Variants in NRXN1 observed in about 807,000 individuals in gnomAD.
NRXN1 encodes neurexin 1.
Under a neutral mutation model 150.9 loss-of-function variants are expected in NRXN1, and 39 were observed. The observed-to-expected ratio is 0.26, with a 90% CI of 0.20 to 0.34. NRXN1 has a LOEUF of 0.34. NRXN1 is among the 10% of genes least tolerant of loss of function. The pLI is 1.00. For synonymous variants in NRXN1, 924 were observed against 757.0 expected (o/e 1.22, Z -3.62); for missense variants, 1,815 against 1,949.9 (o/e 0.93, Z 1.30).
At chr2:50,817,322 G>T (rs937978882) in intron 5 of NRXN1, among the ~76,000 whole-genome samples, 1 of 151,802 alleles carries the variant, frequency 6.6e-6, no homozygotes, top group Non-Finnish European at 1.5e-5. Context: ...TATAAAATCT[G>T]AACAGTTCAT....
intron 5 of NRXN1, among the ~76,000 whole-genome samples, chr2:50,730,674 T>TTTTC (rs1554022985): frequency 7.0e-6 from 1 of 142,904 alleles, no homozygotes; most frequent in Non-Finnish European, 1.5e-5. Context: ...CTTGTTTTCT[T>TTTTC]TTTTTTTTTT....
intron 17 of NRXN1, among the ~76,000 whole-genome samples, chr2:50,359,436 C>G (rs1262649509): frequency 6.6e-6 from 1 of 151,480 alleles, no homozygotes; most frequent in African/African-American, 2.4e-5. Context: ...AGCTGAAACA[C>G]AGAGCACGAG....
chr2:50,779,494 C>T (rs779224124), intron 5 of NRXN1, among the ~76,000 whole-genome samples: 4 of 152,070 alleles, frequency 2.6e-5, no homozygotes, highest in Non-Finnish European at 2.9e-5. Flanking sequence ...TGTGGCAGGG[C>T]GTGGTGGCTC....
At chr2:50,243,398 G>A (rs1054776974) in intron 17 of NRXN1, among the ~76,000 whole-genome samples, 1 of 151,474 alleles carries the variant, frequency 6.6e-6, no homozygotes, top group Non-Finnish European at 1.5e-5. Context: ...CTAGGCTAAA[G>A]CATTTTTTAA....
intron 2 of NRXN1, among the ~76,000 whole-genome samples, chr2:50,960,262 C>T (rs1558493930): frequency 6.6e-6 from 1 of 151,878 alleles, no homozygotes; most frequent in African/African-American, 2.4e-5. Context: ...GACAGAAGCT[C>T]TTCAAAGGAC....
At position 50,506,570 on chromosome 2, in the gene NRXN1, C is replaced by T. The variant is rs202145311; in HGVS notation, c.2422G>A (p.Glu808Lys). 89 of 1,613,208 alleles carry T rather than the reference C, an allele frequency of 5.5e-5. No individual in the cohort carries two copies. The highest frequency in any genetic ancestry group is 6.8e-5 in the Non-Finnish European group (80 of 1,179,534). ...LFAGYNLNDNEWHTVRVVRRG... is the reference protein window; with the variant it reads ...LFAGYNLNDNKWHTVRVVRRG... ...CGAACTACACGCACTGTGTGCCACT[C>T]GTTATCATTGAGGTTATAGCCAGCA... The change falls in exon 13 of 23, where the codon GAG (glutamate) becomes AAG (lysine). Residue 808 changes from glutamate (E) to lysine (K), a missense_variant. Glu to Lys is a moderately conservative substitution (Grantham distance 56). This residue lies in a region of NRXN1 where 638 missense variants were observed against 652.6 expected (regional missense o/e 0.98). Transcript: ENST00000401669.
intron 18 of NRXN1, among the ~76,000 whole-genome samples, chr2:50,108,021 A>C (rs577056507): frequency 6.6e-6 from 1 of 152,094 alleles, no homozygotes; most frequent in East Asian, 1.9e-4. Flanking sequence ...TCAGGATTTG[A>C]ATCCAGATCT....
At chr2:50,247,066 G>C (rs1338645316) in intron 17 of NRXN1, among the ~76,000 whole-genome samples, 4 of 151,960 alleles carry the variant, frequency 2.6e-5, no homozygotes, top group African/African-American at 9.7e-5. Flanking sequence ...TTATTTATGT[G>C]ATCCATCCCA....
chr2:50,705,925 G>A (rs1694371098), intron 5 of NRXN1, among the ~76,000 whole-genome samples: 1 of 152,178 alleles, frequency 6.6e-6, no homozygotes, highest in Non-Finnish European at 1.5e-5. Flanking sequence ...TCTAATTAGA[G>A]ATAAAGGAGT....
intron 18 of NRXN1, among the ~76,000 whole-genome samples, chr2:50,139,250 T>C (rs1461144997): frequency 6.8e-6 from 1 of 146,978 alleles, no homozygotes; most frequent in Non-Finnish European, 1.5e-5. Context: ...TGCTTGATCC[T>C]GGGAGGCAGA....
At chr2:50,032,241 C>G (rs976170743) in intron 21 of NRXN1, among the ~76,000 whole-genome samples, 1 of 151,944 alleles carries the variant, frequency 6.6e-6, no homozygotes, top group Non-Finnish European at 1.5e-5. Context: ...AAATATTTTC[C>G]TGTTCATTCC....
chr2:50,141,787 A>G (rs536555776), intron 18 of NRXN1, among the ~76,000 whole-genome samples: 1 of 152,154 alleles, frequency 6.6e-6, no homozygotes, highest in Admixed American at 6.6e-5. Context: ...AATGTCTACC[A>G]TCTAAAAGAC....
intron 5 of NRXN1, among the ~76,000 whole-genome samples, chr2:50,681,199 G>A (rs763537967): frequency 6.6e-6 from 1 of 152,180 alleles, no homozygotes; most frequent in African/African-American, 2.4e-5. Context: ...CACCTTAGGT[G>A]AATTAAACCA....
intron 13 of NRXN1, among the ~76,000 whole-genome samples, chr2:50,502,353 G>C (rs761204750): frequency 6.6e-6 from 1 of 152,078 alleles, no homozygotes; most frequent in Non-Finnish European, 1.5e-5. Flanking sequence ...AAGTAATCCT[G>C]ACTTATTTGT....
intron 21 of NRXN1, among the ~76,000 whole-genome samples, chr2:50,052,497 G>C (rs114903941): frequency 0.012 from 1,798 of 152,128 alleles, 21 homozygotes; most frequent in Non-Finnish European, 0.019. Context: ...TTCACTGATG[G>C]AACACCAATA....
intron 17 of NRXN1, among the ~76,000 whole-genome samples, chr2:50,444,729 C>A (rs1193303522): frequency 6.6e-6 from 1 of 151,980 alleles, no homozygotes; most frequent in Non-Finnish European, 1.5e-5. Flanking sequence ...TGATGAATAA[C>A]ATATCAAAAT....
At chr2:50,106,971 G>A (rs764604198) in intron 18 of NRXN1, among the ~76,000 whole-genome samples, 3 of 151,882 alleles carry the variant, frequency 2.0e-5, no homozygotes, top group Non-Finnish European at 4.4e-5. Context: ...CCACCAAAAT[G>A]CACTGATTAT....
At chr2:49,979,271 T>C (rs1573190058) in intron 21 of NRXN1, among the ~76,000 whole-genome samples, 1 of 152,258 alleles carries the variant, frequency 6.6e-6, no homozygotes, top group East Asian at 1.9e-4. Flanking sequence ...CACTCCAGCC[T>C]GGGTGACAGA....
At chr2:50,333,815 C>A (rs1243882548) in intron 17 of NRXN1, among the ~76,000 whole-genome samples, 1 of 151,950 alleles carries the variant, frequency 6.6e-6, no homozygotes, top group East Asian at 2.0e-4. Context: ...CAGTGAAACA[C>A]TGATTTGCCA....
Sources: allele counts gnomAD v4.1 joint callset (sites outside exome capture counted in the v4.1 genomes callset), GRCh38; gene constraint gnomAD v4.1.1; regional missense constraint gnomAD v4.1.1; transcripts MANE v1.5; gene names NCBI Gene and HGNC (gene_info 2026-07-23, HGNC 2026-07-21).